HLA-DQB2: variants seen among roughly 807,000 people sequenced by gnomAD.
The protein encoded by HLA-DQB2 is HLA class II histocompatibility antigen, DQ beta 2 chain.
HLA-DQB2 carries 24 observed loss-of-function variants against 29.2 expected under a neutral mutation model. The ratio of observed to expected loss-of-function variants is 0.82; its 90% CI spans 0.60 to 1.16. The LOEUF (loss-of-function observed/expected upper bound fraction) is 1.16. HLA-DQB2 is among the 50% of genes most tolerant of loss of function. HLA-DQB2 has a pLI of 0.00. For synonymous variants in HLA-DQB2, 104 were observed against 133.1 expected (o/e 0.78, Z 1.51); for missense variants, 273 against 343.6 (o/e 0.79, Z 1.62).
In HLA-DQB2 at chr6:32,756,287, AG is replaced by A. The variant is rs1764256407; in HGVS notation, c.*165del. 3.1e-6 allele frequency: 2 copies of A among 649,984 alleles called. No individual in the cohort carries two copies. Among genetic ancestry groups the A allele is most frequent in the Non-Finnish European group, 5.7e-6 (2 of 353,582 alleles). The allele number at this position is 649,984 out of a possible 1,614,324, so 40.3% of individuals were successfully genotyped here. ...CAGTGCAGGAAGCAGAGTCACCACC[AG>A]TGCCTTGGGATGGGGATCACAGAAG... On this transcript the variant is annotated 3_prime_UTR_variant, in exon 6 of 6. Transcript: ENST00000437316.
At chr6:32,757,556 G>T (rs1242739173) in intron 4 of HLA-DQB2, among the ~76,000 whole-genome samples, 1 of 147,932 alleles carries the variant, frequency 6.8e-6, no homozygotes, top group East Asian at 1.9e-4. Flanking sequence ...GATGATGAAC[G>T]GTAAGGACGC....
At chr6:32,759,926 C>T (rs2113938480) in intron 2 of HLA-DQB2, among the ~76,000 whole-genome samples, 1 of 152,296 alleles carries the variant, frequency 6.6e-6, no homozygotes, top group East Asian at 1.9e-4. Flanking sequence ...TGGAAGGAAT[C>T]TTGGTTTCTG....
At chr6:32,759,640 T>C (rs1342281482) in intron 2 of HLA-DQB2, among the ~76,000 whole-genome samples, 1 of 152,230 alleles carries the variant, frequency 6.6e-6, no homozygotes, top group Non-Finnish European at 1.5e-5. Context: ...TGGTAATATG[T>C]TCTCTCATTT....
intron 5 of HLA-DQB2, chr6:32,756,911 T>A: frequency 8.5e-7 from 1 of 1,178,722 alleles, no homozygotes; most frequent in Non-Finnish European, 1.0e-6. Context: ...TAGGAAACAA[T>A]CTCTGGAGAT....
intron 4 of HLA-DQB2, 21 bp downstream of exon 4, chr6:32,757,751 AT>A (rs750469405): frequency 7.1e-7 from 1 of 1,402,038 alleles, no homozygotes; most frequent in Non-Finnish European, 9.7e-7. Flanking sequence ...CATCTTCCCC[AT>A]TTCCCCCTTG....
At chr6:32,758,170 AT>A in intron 3 of HLA-DQB2, among the ~76,000 whole-genome samples, 1 of 152,114 alleles carries the variant, frequency 6.6e-6, no homozygotes, top group Non-Finnish European at 1.5e-5. Context: ...AGTAGTGTTG[AT>A]ATGGTTTGAT....
Position 32,756,366 on chromosome 6 carries a change from G to A in HLA-DQB2, c.*87C>T, listed in dbSNP as rs6457646. ...AGGACTCTGACCTCAGTGGGACAGGGTGACACAGGCAGCTAGGAATTCTGG... is the reference window on the plus strand; with the variant it reads ...AGGACTCTGACCTCAGTGGGACAGGATGACACAGGCAGCTAGGAATTCTGG... On this transcript the variant is annotated 3_prime_UTR_variant, in exon 6 of 6. Transcript: ENST00000437316. 430,825 of 843,066 alleles carry A rather than the reference G, an allele frequency of 0.51. 116,460 individuals carry two copies. Among genetic ancestry groups the A allele is most frequent in the East Asian group, 0.76 (29,515 of 39,092 alleles). 52.2% of individuals were successfully genotyped at this position (843,066 alleles called of 1,614,324 possible). A position where few individuals can be genotyped will look rare whatever the true frequency, so the allele number is the denominator to read the frequency against.
intron 3 of HLA-DQB2, among the ~76,000 whole-genome samples, chr6:32,758,608 C>A (rs1764483513): frequency 6.6e-6 from 1 of 152,214 alleles, no homozygotes. Flanking sequence ...TCAGAGATTT[C>A]TTTGTAGCAG....
At chr6:32,757,993 G>T in intron 3 of HLA-DQB2, 110 bp from the exon 4 acceptor site, 2 of 1,005,354 alleles carry the variant, frequency 2.0e-6, no homozygotes, top group Non-Finnish European at 2.9e-6. Flanking sequence ...CCACCCTAGG[G>T]AAGAGAAAGA....
At chr6:32,761,974 C>G (rs369280956) in intron 1 of HLA-DQB2, 48 bp from the exon 2 acceptor site, 50 of 1,568,756 alleles carry the variant, frequency 3.2e-5, no homozygotes, top group Non-Finnish European at 4.2e-5. Flanking sequence ...CGGCCCTAGC[C>G]CCAGCCCCCA....
Position 32,758,842 on chromosome 6 carries a change from C to G in HLA-DQB2, c.646+8G>C. 6.2e-7 allele frequency: 1 copy of G among 1,609,476 alleles called. No individual in the cohort carries two copies. The highest frequency in any genetic ancestry group is 8.5e-7 in the Non-Finnish European group (1 of 1,176,666). Reference sequence around the variant, plus strand: ...GCCCACAGTAAAAGGAAACCAGTTTCCCCTTACGCCACTCCACGGTGATGG... The same window carrying G: ...GCCCACAGTAAAAGGAAACCAGTTTGCCCTTACGCCACTCCACGGTGATGG... On this transcript the variant is annotated splice_region_variant and intron_variant, in intron 3 of 5. Coordinates refer to ENST00000437316, the MANE Select transcript of HLA-DQB2 (RefSeq NM_001300790.2).
Position 32,759,220 on chromosome 6 carries a change from C to A in HLA-DQB2, c.365-89G>T, listed in dbSNP as rs531088872. ...CTGTGAGGAAGGTCCCTCCTTGGAA[C>A]CAGAATAGAAAGATACCTGGAGTCC... On this transcript the variant is annotated intron_variant, in intron 2 of 5. Transcript: ENST00000437316. 3.9e-5 allele frequency: 58 copies of A among 1,488,500 alleles called. 1 individual carries two copies. The South Asian group carries it at 6.9e-4, about 18-fold the overall frequency. 92.2% of individuals were successfully genotyped at this position (1,488,500 alleles called of 1,614,324 possible). A position where few individuals can be genotyped will look rare whatever the true frequency, so the allele number is the denominator to read the frequency against.
intron 2 of HLA-DQB2, among the ~76,000 whole-genome samples, chr6:32,760,980 CAGA>C (rs1198013654): frequency 6.6e-6 from 1 of 152,266 alleles, no homozygotes; most frequent in Non-Finnish European, 1.5e-5. Context: ...ATTAATTTAA[CAGA>C]AGATCATTGA....
chr6:32,761,644 G>A lies in HLA-DQB2; in HGVS notation c.364+16C>T. 1.3e-6 allele frequency: 2 copies of A among 1,540,032 alleles called. No individual in the cohort carries two copies. Among genetic ancestry groups the A allele is most frequent in the Non-Finnish European group, 1.7e-6 (2 of 1,143,980 alleles). Reference sequence around the variant, plus strand: ...CCGGCCAAGGGTGAGCCCCGCGGAAGGACGACGACGCTCACCTTGCCGCTG... The same window carrying A: ...CCGGCCAAGGGTGAGCCCCGCGGAAAGACGACGACGCTCACCTTGCCGCTG... On this transcript the variant is annotated intron_variant, in intron 2 of 5. Transcript: ENST00000437316.
intron 5 of HLA-DQB2, chr6:32,756,970 C>T: frequency 2.4e-6 from 3 of 1,244,884 alleles, no homozygotes; most frequent in Non-Finnish European, 3.0e-6. Context: ...CTCATAGCAG[C>T]AAACAGGCCA....
At chr6:32,757,947 G>A in intron 3 of HLA-DQB2, 64 bp from the exon 4 acceptor site, 10 of 1,162,576 alleles carry the variant, frequency 8.6e-6, no homozygotes, top group Non-Finnish European at 1.1e-5. Flanking sequence ...GGTACAGGAG[G>A]TGGAGATGTC....
intron 5 of HLA-DQB2, chr6:32,757,002 T>G: frequency 1.5e-6 from 2 of 1,318,360 alleles, no homozygotes; most frequent in Non-Finnish European, 9.7e-7. Flanking sequence ...CACTGTGCCC[T>G]GGAACACTCC....
At chr6:32,757,421 C>T in intron 4 of HLA-DQB2, 117 bp from the exon 5 acceptor site, 3 of 777,510 alleles carry the variant, frequency 3.9e-6, no homozygotes, top group Non-Finnish European at 6.5e-6. Context: ...CTCCCATGTT[C>T]TTTAAGTCCT....
At chr6:32,757,567 C>A (rs1481023851) in intron 4 of HLA-DQB2, among the ~76,000 whole-genome samples, 1 of 143,478 alleles carries the variant, frequency 7.0e-6, no homozygotes, top group Non-Finnish European at 1.5e-5. Flanking sequence ...GTAAGGACGC[C>A]CTGGAATAAG....
Sources: allele counts gnomAD v4.1 joint callset (sites outside exome capture counted in the v4.1 genomes callset), GRCh38; gene constraint gnomAD v4.1.1; transcripts MANE v1.5; gene names NCBI Gene and HGNC (gene_info 2026-07-23, HGNC 2026-07-21).